GAREM1: variants seen among roughly 807,000 people sequenced by gnomAD.
GAREM1 encodes the protein GRB2-associated and regulator of MAPK protein 1.
In GAREM1, 26 loss-of-function variants were observed where a neutral mutation model predicts 71.3. The observed-to-expected ratio is 0.36, with a 90% CI of 0.27 to 0.51. The LOEUF is 0.51. Ranked by LOEUF, GAREM1 falls within the 20% of genes least tolerant of loss-of-function variation. The pLI is 0.95. For synonymous variants in GAREM1, 440 were observed against 433.2 expected (o/e 1.02, Z -0.20); for missense variants, 1,026 against 1,103.1 (o/e 0.93, Z 0.99).
rs769443061 is a variant in GAREM1, at chr18:32,263,646, T to C, written c.*4225A>G. On this transcript the variant is annotated 3_prime_UTR_variant, in exon 6 of 6. Transcript: ENST00000269209. ...ACATTGGGCCCATTAGATAACGTTT[T>C]GGAAAGTAATGCCATTGTTAACTGG... 3 of 152,200 alleles carry C rather than the reference T, an allele frequency of 2.0e-5. No individual in the cohort carries two copies. Among genetic ancestry groups the C allele is most frequent in the Admixed American group, 6.5e-5 (1 of 15,280 alleles). 9.4% of individuals were successfully genotyped at this position (152,200 alleles called of 1,614,324 possible). A position where few individuals can be genotyped will look rare whatever the true frequency, so the allele number is the denominator to read the frequency against.
intron 2 of GAREM1, among the ~76,000 whole-genome samples, chr18:32,385,896 A>G (rs2048143067): frequency 6.6e-6 from 1 of 152,238 alleles, no homozygotes; most frequent in African/African-American, 2.4e-5. Context: ...TGAAAGTCAC[A>G]TGAAAAAATA....
chr18:32,403,081 C>CTAA (rs2048331892), intron 1 of GAREM1, among the ~76,000 whole-genome samples: 1 of 152,004 alleles, frequency 6.6e-6, no homozygotes, highest in Non-Finnish European at 1.5e-5. Flanking sequence ...CTACACCCAG[C>CTAA]TAATTTTTGT....
In GAREM1 at chr18:32,412,613, A is replaced by G. The variant is rs201368272; in HGVS notation, c.122-19578T>C. ...TTCGACCTCTTTGGCTGGATGAAGC[A>G]CTAGCCATCTCTTGCTTTGACAGGG... On this transcript the variant is annotated intron_variant, in intron 1 of 5. Transcript: ENST00000269209. 783 of 1,414,310 alleles carry G rather than the reference A, an allele frequency of 5.5e-4. 12 individuals are homozygous for G. The highest frequency in any genetic ancestry group is 4.9e-4 in the Middle Eastern group (2 of 4,098). 87.6% of individuals were successfully genotyped at this position (1,414,310 alleles called of 1,614,324 possible). A position where few individuals can be genotyped will look rare whatever the true frequency, so the allele number is the denominator to read the frequency against.
In GAREM1 at chr18:32,291,816, C is replaced by A. The variant is rs553119486; in HGVS notation, c.394-3613G>T. Among the ~76,000 whole-genome samples the A allele has an allele frequency of 6.1e-4, 93 of 152,220 alleles. No homozygotes were observed. The South Asian group carries it at 0.018, about 29-fold the overall frequency. Reference sequence around the variant, plus strand: ...TTCATCCATGTCTCTGCAAAGGACACGAACTCATCCTTTTTTATGGCTGCA... The same window carrying A: ...TTCATCCATGTCTCTGCAAAGGACAAGAACTCATCCTTTTTTATGGCTGCA... On this transcript the variant is annotated intron_variant, in intron 3 of 5. Transcript: ENST00000269209.
intron 2 of GAREM1, among the ~76,000 whole-genome samples, chr18:32,362,477 A>G (rs2047874496): frequency 6.6e-6 from 1 of 152,216 alleles, no homozygotes; most frequent in African/African-American, 2.4e-5. Context: ...AATAATAAAC[A>G]ACTGCAATGT....
chr18:32,404,152 T>C (rs1732175296), intron 1 of GAREM1, among the ~76,000 whole-genome samples: 1 of 152,244 alleles, frequency 6.6e-6, no homozygotes, highest in Non-Finnish European at 1.5e-5. Context: ...AATCATTGCA[T>C]AACTATAGTG....
chr18:32,281,726 G>A (rs1339340553), intron 4 of GAREM1, among the ~76,000 whole-genome samples: 1 of 152,202 alleles, frequency 6.6e-6, no homozygotes, highest in African/African-American at 2.4e-5. Flanking sequence ...TGTAATCCCA[G>A]CACTTTGGGA....
At chr18:32,344,047 C>T (rs1167695408) in intron 2 of GAREM1, among the ~76,000 whole-genome samples, 2 of 152,158 alleles carry the variant, frequency 1.3e-5, no homozygotes, top group Non-Finnish European at 2.9e-5. Context: ...TGTGTGTATC[C>T]TATTCTGGTC....
At chr18:32,283,016 C>T (rs1037729203) in intron 4 of GAREM1, among the ~76,000 whole-genome samples, 3 of 152,156 alleles carry the variant, frequency 2.0e-5, no homozygotes, top group African/African-American at 7.2e-5. Context: ...GGATAATCCA[C>T]TTAAGAGGGA....
At chr18:32,439,494 G>A (rs2048713378) in intron 1 of GAREM1, among the ~76,000 whole-genome samples, 1 of 152,052 alleles carries the variant, frequency 6.6e-6, no homozygotes, top group African/African-American at 2.4e-5. Context: ...CAGGGGGTTT[G>A]TTCAGTCCTA....
chr18:32,304,162 C>G (rs1800122233), intron 3 of GAREM1, among the ~76,000 whole-genome samples: 1 of 151,722 alleles, frequency 6.6e-6, no homozygotes, highest in South Asian at 2.1e-4. Context: ...CAAAAATTAG[C>G]CAGGCATGGT....
intron 1 of GAREM1, among the ~76,000 whole-genome samples, chr18:32,457,223 GA>G (rs1568018945): frequency 8.6e-5 from 11 of 127,318 alleles, no homozygotes; most frequent in African/African-American, 1.6e-4. Context: ...GAGAGAGAGA[GA>G]GAGTGTGTGT....
chr18:32,343,267 T>A (rs1484649081), intron 2 of GAREM1, among the ~76,000 whole-genome samples: 4 of 150,304 alleles, frequency 2.7e-5, no homozygotes, highest in African/African-American at 9.8e-5. Flanking sequence ...TCACTGAGAA[T>A]CTTCAAGTAA....
intron 2 of GAREM1, among the ~76,000 whole-genome samples, chr18:32,382,797 C>A (rs1475995128): frequency 2.0e-5 from 3 of 152,032 alleles, no homozygotes; most frequent in African/African-American, 7.2e-5. Context: ...GAAAGAGGAT[C>A]AACAAGACTC....
chr18:32,410,631 TTAAC>T (rs2048407249), intron 1 of GAREM1, among the ~76,000 whole-genome samples: 1 of 152,194 alleles, frequency 6.6e-6, no homozygotes, highest in Non-Finnish European at 1.5e-5. Context: ...CTATTATTAA[TTAAC>T]TATATGATTA....
At chr18:32,379,663 C>T (rs1359735635) in intron 2 of GAREM1, among the ~76,000 whole-genome samples, 1 of 151,530 alleles carries the variant, frequency 6.6e-6, no homozygotes, top group Admixed American at 6.6e-5. Flanking sequence ...CAAGATCACA[C>T]CACTGTACTC....
chr18:32,452,911 T>C (rs2048853404), intron 1 of GAREM1, among the ~76,000 whole-genome samples: 1 of 151,264 alleles, frequency 6.6e-6, no homozygotes, highest in East Asian at 1.9e-4. Context: ...AAAACTTATA[T>C]AGGTATGTAT....
chr18:32,315,518 A>T lies in GAREM1; in HGVS notation c.263-5195T>A, dbSNP rs527451289. Among the ~76,000 whole-genome samples, 14 of 147,326 alleles carry T rather than the reference A, an allele frequency of 9.5e-5. No homozygotes were observed. The South Asian group carries it at 1.1e-3, about 11-fold the overall frequency. ...ATATATAAAAAAGTAGATATATATA[A>T]AAATATATATAAAAGTAGATATATA... is the stretch of plus-strand genomic sequence containing the variant. On this transcript the variant is annotated intron_variant, in intron 2 of 5. Coordinates refer to ENST00000269209, the MANE Select transcript of GAREM1 (RefSeq NM_001242409.2).
At chr18:32,332,242 C>T (rs928827119) in intron 2 of GAREM1, among the ~76,000 whole-genome samples, 5 of 151,688 alleles carry the variant, frequency 3.3e-5, no homozygotes, top group South Asian at 2.1e-4. Context: ...AGAGTAATGG[C>T]GGGGCCGGGA....
Sources: gnomAD v4.1 joint callset for allele counts (sites outside exome capture counted in the v4.1 genomes callset) on GRCh38, gnomAD v4.1.1 for gene constraint, MANE v1.5 for transcripts, NCBI Gene and HGNC (gene_info 2026-07-23, HGNC 2026-07-21) for gene names.